IRF6: variants seen among roughly 807,000 people sequenced by gnomAD.
IRF6 encodes Van der Woude syndrome.
In IRF6, 6 loss-of-function variants were observed where a neutral mutation model predicts 51.4. The ratio of observed to expected loss-of-function variants is 0.12; its 90% CI spans 0.06 to 0.23. IRF6 has a LOEUF of 0.23. Among genes scored for constraint, IRF6 ranks in the 10% least tolerant of loss-of-function variants. IRF6 has a pLI of 1.00. For missense variants in IRF6, 348 were observed against 585.2 expected (o/e 0.59, Z 4.18); for synonymous variants, 178 against 215.7 (o/e 0.83, Z 1.53).
chr1:209,797,325 G>A (rs906451315), intron 3 of IRF6, among the ~76,000 whole-genome samples: 3 of 135,054 alleles, frequency 2.2e-5, no homozygotes, highest in Admixed American at 1.7e-4. Context: ...AGCCAAGATC[G>A]TGCCATTGCA....
Position 209,801,335 on chromosome 1 carries a change from T to C in IRF6, c.79A>G (p.Ile27Val). ...CGTTTAGAGTCCCTGTGTAGCCAGA[T>C]GAGCCCAGGGTAGAGGCCACTATCC... ...QVDSGLYPGL[I>V]WLHRDSKRFQ... Residue 27 changes from isoleucine to valine, a missense_variant, in exon 3 of 9, where the codon ATC (isoleucine) becomes GTC (valine). Ile to Val is a conservative substitution (Grantham distance 29). Transcript: ENST00000367021. The C allele has an allele frequency of 6.2e-7, 1 of 1,613,978 alleles. No individual in the cohort carries two copies. The highest frequency in any genetic ancestry group is 1.7e-4 in the Middle Eastern group (1 of 6,058).
chr1:209,800,674 G>A (rs1007402735), intron 3 of IRF6, among the ~76,000 whole-genome samples: 1 of 152,112 alleles, frequency 6.6e-6, no homozygotes, highest in African/African-American at 2.4e-5. Flanking sequence ...CGGGAGGATC[G>A]CTTGAGCCTA....
At chr1:209,789,014 C>T (rs2077851543) in intron 8 of IRF6, among the ~76,000 whole-genome samples, 1 of 152,202 alleles carries the variant, frequency 6.6e-6, no homozygotes, top group Non-Finnish European at 1.5e-5. Context: ...AAAAGTAACT[C>T]AAAAGGTTTT....
intron 2 of IRF6, 73 bp from the exon 3 acceptor site, chr1:209,801,489 C>T: frequency 8.4e-7 from 1 of 1,193,764 alleles, no homozygotes; most frequent in South Asian, 1.5e-5. Context: ...TCCCAGCCAC[C>T]TTTCCCATCT....
At chr1:209,802,900 A>T (rs896095606) in intron 1 of IRF6, among the ~76,000 whole-genome samples, 1 of 152,138 alleles carries the variant, frequency 6.6e-6, no homozygotes, top group African/African-American at 2.4e-5. Flanking sequence ...CCCCAGCCAG[A>T]CTCCCAACAA....
chr1:209,798,391 G>A (rs918136368), intron 3 of IRF6, among the ~76,000 whole-genome samples: 2 of 152,174 alleles, frequency 1.3e-5, no homozygotes, highest in African/African-American at 4.8e-5. Flanking sequence ...CGCTAACTCT[G>A]GCCCCACCCA....
At chr1:209,804,959 C>T (rs892275748) in intron 1 of IRF6, among the ~76,000 whole-genome samples, 1 of 152,212 alleles carries the variant, frequency 6.6e-6, no homozygotes, top group East Asian at 1.9e-4. Flanking sequence ...GTTCCTCAGG[C>T]TTCCCTGTTT....
At chr1:209,798,908 C>CAAAAAAAAAA (rs61182544) in intron 3 of IRF6, among the ~76,000 whole-genome samples, 2 of 99,094 alleles carry the variant, frequency 2.0e-5, no homozygotes, top group East Asian at 4.0e-4. Flanking sequence ...GACTCTGTCT[C>CAAAAAAAAAA]AAAAAAAAAA....
chr1:209,801,875 TA>T (rs1167120306), intron 2 of IRF6, 96 bp downstream of exon 2: 1 of 153,024 alleles, frequency 6.5e-6, no homozygotes, highest in African/African-American at 2.4e-5. Flanking sequence ...ACAAGACAAC[TA>T]AAGGTGAATG....
At chr1:209,794,470 G>A (rs964505803) in intron 5 of IRF6, among the ~76,000 whole-genome samples, 1 of 152,146 alleles carries the variant, frequency 6.6e-6, no homozygotes, top group African/African-American at 2.4e-5. Context: ...CATCACCTAC[G>A]GTAGAGTACC....
chr1:209,804,834 G>A (rs2077964064), intron 1 of IRF6, among the ~76,000 whole-genome samples: 2 of 152,140 alleles, frequency 1.3e-5, no homozygotes, highest in Non-Finnish European at 2.9e-5. Context: ...GCCGAGATTT[G>A]GCCGTCAGTG....
In IRF6 at chr1:209,786,851, T is replaced by C. The variant is rs907212165; in HGVS notation, c.*1569A>G. The C allele has an allele frequency of 6.6e-6, 1 of 152,162 alleles. No homozygotes were observed. The highest frequency in any genetic ancestry group is 2.4e-5 in the African/African-American group (1 of 41,422). 9.4% of individuals were successfully genotyped at this position (152,162 alleles called of 1,614,324 possible). Reference sequence around the variant, plus strand: ...TCAACTTTTGAGTCATTTTGAAAAGTTGGAGATGGCCTGGTTTAAAGGTAC... The same window carrying C: ...TCAACTTTTGAGTCATTTTGAAAAGCTGGAGATGGCCTGGTTTAAAGGTAC... On this transcript the variant is annotated 3_prime_UTR_variant, in exon 9 of 9. Coordinates refer to ENST00000367021, the MANE Select transcript of IRF6 (RefSeq NM_006147.4).
intron 1 of IRF6, among the ~76,000 whole-genome samples, chr1:209,804,556 T>C (rs1214025698): frequency 6.6e-6 from 1 of 152,232 alleles, no homozygotes; most frequent in Non-Finnish European, 1.5e-5. Context: ...CTTAGCCTAG[T>C]TGAACTCATC....
chr1:209,800,835 T>C (rs2077936447), intron 3 of IRF6, among the ~76,000 whole-genome samples: 1 of 152,196 alleles, frequency 6.6e-6, no homozygotes, highest in African/African-American at 2.4e-5. Flanking sequence ...GCGTGCCTGC[T>C]AACACCTGAT....
At chr1:209,803,348 A>G (rs1318484055) in intron 1 of IRF6, among the ~76,000 whole-genome samples, 2 of 152,248 alleles carry the variant, frequency 1.3e-5, no homozygotes. Flanking sequence ...TGGGCCTGTC[A>G]GACATTAAAA....
At chr1:209,789,854 T>C in intron 7 of IRF6, 69 bp from the exon 8 acceptor site, 2 of 1,040,188 alleles carry the variant, frequency 1.9e-6, no homozygotes, top group Non-Finnish European at 1.5e-6. Context: ...ATACCATCTT[T>C]TATGCTGTCC....
intron 3 of IRF6, among the ~76,000 whole-genome samples, chr1:209,798,559 C>T (rs2077918957): frequency 6.6e-6 from 1 of 152,194 alleles, no homozygotes; most frequent in South Asian, 2.1e-4. Flanking sequence ...CCAGATTGCA[C>T]TGGGCACCCA....
chr1:209,804,387 G>C (rs1263206433), intron 1 of IRF6, among the ~76,000 whole-genome samples: 4 of 152,096 alleles, frequency 2.6e-5, no homozygotes. Context: ...TGCGCACCAA[G>C]AAAGTAAACT....
intron 6 of IRF6, chr1:209,791,098 T>G: frequency 6.2e-6 from 6 of 967,088 alleles, no homozygotes; most frequent in Non-Finnish European, 7.4e-6. Context: ...CAGTTCAAAG[T>G]CCATCTCAAC....
Sources: gnomAD v4.1 joint callset for allele counts (sites outside exome capture counted in the v4.1 genomes callset) on GRCh38, gnomAD v4.1.1 for gene constraint, MANE v1.5 for transcripts, NCBI Gene and HGNC (gene_info 2026-07-23, HGNC 2026-07-21) for gene names.